The following CLDN10 variants were observed in gnomAD, a reference collection of about 807,000 sequenced individuals.
CLDN10 encodes claudin 10, also known as claudin-10.
CLDN10 carries 15 observed loss-of-function variants against 22.9 expected under a neutral mutation model. The ratio of observed to expected loss-of-function variants is 0.65; its 90% CI spans 0.44 to 1.01. The LOEUF is 1.01. CLDN10 is among the 50% of genes least tolerant of loss of function. The probability of loss-of-function intolerance (pLI) is 0.00; values close to 1 mark genes in which losing one functional copy is unlikely to be tolerated. For missense variants in CLDN10, 247 were observed against 287.8 expected (o/e 0.86, Z 1.03); for synonymous variants, 114 against 111.4 (o/e 1.02, Z -0.15).
chr13:95,554,407 G>C (rs907217949), intron 1 of CLDN10, among the ~76,000 whole-genome samples: 1 of 139,884 alleles, frequency 7.1e-6, no homozygotes, highest in Non-Finnish European at 1.6e-5. Context: ...AGGGAGAGAA[G>C]GAAATGAATG....
At chr13:95,567,102 G>A (rs1490233653) in intron 3 of CLDN10, among the ~76,000 whole-genome samples, 1 of 152,076 alleles carries the variant, frequency 6.6e-6, no homozygotes, top group East Asian at 1.9e-4. Context: ...TTGGCTATGT[G>A]GGCTCTCTTT....
chr13:95,574,707 T>C (rs1468184481), intron 3 of CLDN10, among the ~76,000 whole-genome samples: 1 of 151,922 alleles, frequency 6.6e-6, no homozygotes, highest in Non-Finnish European at 1.5e-5. Flanking sequence ...GAGGTGGAGG[T>C]TGCAGTGAGC....
chr13:95,493,687 G>A (rs1198809042), intron 1 of CLDN10, among the ~76,000 whole-genome samples: 1 of 151,922 alleles, frequency 6.6e-6, no homozygotes, highest in Non-Finnish European at 1.5e-5. Context: ...AGTCTCCCGA[G>A]TAGCTGGAAT....
intron 1 of CLDN10, among the ~76,000 whole-genome samples, chr13:95,532,326 G>A (rs2043352804): frequency 6.6e-6 from 1 of 152,058 alleles, no homozygotes; most frequent in Non-Finnish European, 1.5e-5. Flanking sequence ...AATAGAAAAG[G>A]AGCAAAAAAT....
intron 1 of CLDN10, among the ~76,000 whole-genome samples, chr13:95,464,383 A>G (rs1223233908): frequency 6.6e-6 from 1 of 152,126 alleles, no homozygotes; most frequent in Non-Finnish European, 1.5e-5. Context: ...TAGTTTGCTG[A>G]GAATGATGGT....
At chr13:95,550,472 GTATCTAC>G (rs2043551158), upstream of CLDN10, among the ~76,000 whole-genome samples, 1 of 152,182 alleles carries the variant, frequency 6.6e-6, no homozygotes, top group Non-Finnish European at 1.5e-5. Flanking sequence ...AATTTAGTGA[GTATCTAC>G]CATAGGCGAG....
At chr13:95,517,870 G>T (rs2043186219) in intron 1 of CLDN10, among the ~76,000 whole-genome samples, 2 of 147,550 alleles carry the variant, frequency 1.4e-5, no homozygotes, top group Admixed American at 1.4e-4. Context: ...GGAGGCAGAG[G>T]TTGCAGTGAG....
upstream of CLDN10, among the ~76,000 whole-genome samples, chr13:95,550,355 C>G (rs892627328): frequency 2.0e-5 from 3 of 152,098 alleles, no homozygotes; most frequent in Admixed American, 2.0e-4. Flanking sequence ...TTCATAGCAA[C>G]TAGGTGATAA....
In CLDN10 at chr13:95,484,879, A is replaced by AAAAAAAAAAG. The variant is rs1566295055; in HGVS notation, c.214+50841_214+50842insGAAAAAAAAA. ...AGACCCTGTCTCAAAAAAAAAAAAA[A>AAAAAAAAAAG]AAAAAAAAAAAAAAAAGAAGCAGAG... On this transcript the variant is annotated intron_variant, in intron 1 of 4. Coordinates refer to the CLDN10 transcript ENST00000376873. 7.7e-4 allele frequency among the ~76,000 whole-genome samples: 116 copies of AAAAAAAAAAG among 150,604 alleles called. 4 individuals are homozygous for AAAAAAAAAAG. The South Asian group carries it at 0.024, about 31-fold the overall frequency.
At chr13:95,556,276 C>A (rs565160093) in intron 1 of CLDN10, among the ~76,000 whole-genome samples, 1 of 152,076 alleles carries the variant, frequency 6.6e-6, no homozygotes. Context: ...GAACTCCTGA[C>A]CTCAAGTGAT....
chr13:95,488,521 A>G (rs1394291526), intron 1 of CLDN10, among the ~76,000 whole-genome samples: 2 of 150,092 alleles, frequency 1.3e-5, no homozygotes, highest in Non-Finnish European at 3.0e-5. Flanking sequence ...GCCCCCTCCC[A>G]CTCTTCCCCC....
chr13:95,469,275 G>A (rs1200432172), intron 1 of CLDN10, among the ~76,000 whole-genome samples: 2 of 152,180 alleles, frequency 1.3e-5, no homozygotes, highest in Non-Finnish European at 2.9e-5. Flanking sequence ...GTGCCATGGA[G>A]AGATTATGAT....
intron 1 of CLDN10, among the ~76,000 whole-genome samples, chr13:95,471,453 A>ATATATATTTTTTTT (rs776857009): frequency 4.7e-5 from 5 of 106,414 alleles, no homozygotes; most frequent in African/African-American, 2.0e-4. Context: ...ATATATATAT[A>ATATATATTTTTTTT]TTTTTTTTTT....
chr13:95,570,887 C>T, intron 3 of CLDN10, among the ~76,000 whole-genome samples: 1 of 73,486 alleles, frequency 1.4e-5, no homozygotes, highest in East Asian at 2.6e-4. Context: ...TATATATAGA[C>T]CAGTTTTATA....
chr13:95,576,401 A>AAAAC (rs1237476246), intron 3 of CLDN10, among the ~76,000 whole-genome samples: 29 of 152,338 alleles, frequency 1.9e-4, no homozygotes, highest in Non-Finnish European at 2.8e-4. Flanking sequence ...ACTCTTTATA[A>AAAAC]AAACAAACAA....
At chr13:95,493,714 C>T (rs1236198675) in intron 1 of CLDN10, among the ~76,000 whole-genome samples, 1 of 152,096 alleles carries the variant, frequency 6.6e-6, no homozygotes, top group Non-Finnish European at 1.5e-5. Context: ...CACATGCCAC[C>T]ACGCCCAGCT....
intron 1 of CLDN10, among the ~76,000 whole-genome samples, chr13:95,473,889 G>A (rs978288371): frequency 3.3e-5 from 5 of 152,208 alleles, no homozygotes; most frequent in African/African-American, 4.8e-5. Flanking sequence ...CTCGCCCACA[G>A]TGAAGGAAAC....
intron 3 of CLDN10, among the ~76,000 whole-genome samples, chr13:95,563,672 C>T (rs1477763036): frequency 2.6e-5 from 4 of 152,138 alleles, no homozygotes; most frequent in Non-Finnish European, 5.9e-5. Flanking sequence ...AAGGAATTAT[C>T]AAGGCCTGAG....
chr13:95,448,361 C>G (rs752139371), intron 1 of CLDN10, among the ~76,000 whole-genome samples: 8 of 152,154 alleles, frequency 5.3e-5, no homozygotes, highest in Non-Finnish European at 1.0e-4. Flanking sequence ...GGCAGGCACC[C>G]CACACACATA....
Sources: gnomAD v4.1 joint callset for allele counts (sites outside exome capture counted in the v4.1 genomes callset) on GRCh38, gnomAD v4.1.1 for gene constraint, MANE v1.5 for transcripts, NCBI Gene and HGNC (gene_info 2026-07-23, HGNC 2026-07-21) for gene names.